Variants in SUMF1 observed in about 807,000 individuals in gnomAD.
The protein encoded by SUMF1 is formylglycine-generating enzyme.
Under a neutral mutation model 47.6 loss-of-function variants are expected in SUMF1, and 48 were observed. That is an observed-to-expected ratio of 1.01 (90% CI 0.80 to 1.28). SUMF1 has a LOEUF of 1.28. Ranked by LOEUF, SUMF1 falls within the 50% of genes most tolerant of loss-of-function variation. SUMF1 has a pLI of 0.00. For missense variants in SUMF1, 571 were observed against 485.4 expected (o/e 1.18, Z -1.66); for synonymous variants, 230 against 192.1 (o/e 1.20, Z -1.63).
chr3:4,367,254 TCAGA>T (rs1284075288), intron 8 of SUMF1, among the ~76,000 whole-genome samples: 3 of 152,196 alleles, frequency 2.0e-5, no homozygotes, highest in African/African-American at 7.2e-5. Flanking sequence ...TTCAAAGCTG[TCAGA>T]CAGGGACATT....
chr3:4,304,277 G>T (rs1189059312), intron 8 of SUMF1, among the ~76,000 whole-genome samples: 1 of 152,188 alleles, frequency 6.6e-6, no homozygotes, highest in Non-Finnish European at 1.5e-5. Context: ...GAGTAGCTGG[G>T]ATTACAGGCA....
chr3:4,156,927 T>C (rs1039560811), intron 8 of SUMF1, among the ~76,000 whole-genome samples: 1 of 151,670 alleles, frequency 6.6e-6, no homozygotes, highest in Non-Finnish European at 1.5e-5. Flanking sequence ...TGTGTCTTCA[T>C]ATGCAAATGT....
intron 8 of SUMF1, chr3:4,313,962 C>T (rs1454971892): frequency 1.0e-6 from 1 of 960,150 alleles, no homozygotes; most frequent in Non-Finnish European, 1.5e-6. Context: ...TACTCACTTT[C>T]CTAGTTAGAT....
intron 8 of SUMF1, among the ~76,000 whole-genome samples, chr3:4,171,452 A>G (rs1027909402): frequency 3.9e-5 from 6 of 152,184 alleles, no homozygotes; most frequent in Non-Finnish European, 7.3e-5. Flanking sequence ...AAAGAAACCC[A>G]AGGGTCATCT....
intron 8 of SUMF1, among the ~76,000 whole-genome samples, chr3:4,157,055 G>C (rs1694469435): frequency 6.6e-6 from 1 of 151,534 alleles, no homozygotes; most frequent in Non-Finnish European, 1.5e-5. Flanking sequence ...AGTGTCTGGA[G>C]ACTAACTTCT....
At chr3:4,405,069 C>G (rs1575181686) in intron 7 of SUMF1, among the ~76,000 whole-genome samples, 3 of 152,128 alleles carry the variant, frequency 2.0e-5, no homozygotes, top group Admixed American at 6.5e-5. Context: ...CACTGAGACA[C>G]AGTGGTGGGA....
intron 3 of SUMF1, among the ~76,000 whole-genome samples, chr3:4,421,842 C>T (rs1444807786): frequency 6.6e-6 from 1 of 152,090 alleles, no homozygotes; most frequent in African/African-American, 2.4e-5. Flanking sequence ...CAAGGTTATC[C>T]CCACAACAAT....
chr3:4,066,762 C>T (rs999601501), intron 9 of SUMF1, among the ~76,000 whole-genome samples: 1 of 152,140 alleles, frequency 6.6e-6, no homozygotes, highest in Non-Finnish European at 1.5e-5. Flanking sequence ...CCTGGCAAAA[C>T]TCATTGTTTC....
chr3:4,452,936 G>C lies in SUMF1; in HGVS notation c.384C>G (p.Ala128=). 4 of 1,614,148 alleles carry C rather than the reference G, an allele frequency of 2.5e-6. No individual in the cohort carries two copies. The highest frequency in any genetic ancestry group is 3.4e-6 in the Non-Finnish European group (4 of 1,180,048). ...CAAATTCAGTATTACTGACTTCATA[G>C]GCATCCATGTAAAAGGCATCAATAG... The part of the protein sequence containing the change: ...RVTIDAFYMD[A]YEVSNTEFEK... The change falls in exon 2 of 9, where the codon GCC becomes GCG. Residue 128 remains alanine, a synonymous_variant. Transcript: ENST00000272902.
chr3:4,210,977 G>A (rs780185018), intron 8 of SUMF1, among the ~76,000 whole-genome samples: 8 of 151,166 alleles, frequency 5.3e-5, no homozygotes, highest in Non-Finnish European at 1.2e-4. Context: ...GAGGCTTCCT[G>A]TCCTCAAACA....
chr3:4,300,309 C>T (rs947505386), intron 8 of SUMF1, among the ~76,000 whole-genome samples: 7 of 152,146 alleles, frequency 4.6e-5, no homozygotes, highest in African/African-American at 1.2e-4. Context: ...GCCCAGGAAC[C>T]GAACAAATGC....
chr3:4,465,204 C>T (rs2079911239), intron 1 of SUMF1, among the ~76,000 whole-genome samples: 2 of 152,168 alleles, frequency 1.3e-5, no homozygotes, highest in South Asian at 2.1e-4. Context: ...TGGCTTGGCG[C>T]GGTGGCTCAC....
At chr3:4,349,186 G>A (rs1699435575) in intron 8 of SUMF1, among the ~76,000 whole-genome samples, 1 of 152,120 alleles carries the variant, frequency 6.6e-6, no homozygotes, top group Non-Finnish European at 1.5e-5. Flanking sequence ...CAAAGAGTGG[G>A]TGAAGGATAT....
intron 7 of SUMF1, among the ~76,000 whole-genome samples, chr3:4,380,892 C>T (rs1486379039): frequency 6.6e-6 from 1 of 152,154 alleles, no homozygotes; most frequent in Non-Finnish European, 1.5e-5. Flanking sequence ...GTTTAAAACA[C>T]CTGGGAGGGC....
chr3:4,113,768 T>C (rs564943490), intron 8 of SUMF1, among the ~76,000 whole-genome samples: 1 of 152,032 alleles, frequency 6.6e-6, no homozygotes, highest in South Asian at 2.1e-4. Flanking sequence ...CACTCCCAGA[T>C]CAGGATCAGG....
intron 8 of SUMF1, among the ~76,000 whole-genome samples, chr3:4,148,194 C>T (rs141818075): frequency 5.3e-5 from 8 of 152,188 alleles, no homozygotes; most frequent in Non-Finnish European, 7.4e-5. Context: ...GCTAATCAGG[C>T]GAAGAAAAGC....
chr3:4,040,505 G>C (rs966470601), intron 9 of SUMF1, among the ~76,000 whole-genome samples: 1 of 152,108 alleles, frequency 6.6e-6, no homozygotes, highest in South Asian at 2.1e-4. Context: ...TATATTTATT[G>C]AACATGCAAT....
intron 7 of SUMF1, among the ~76,000 whole-genome samples, chr3:4,400,191 C>T (rs1701166010): frequency 6.6e-6 from 1 of 152,180 alleles, no homozygotes; most frequent in Non-Finnish European, 1.5e-5. Flanking sequence ...CAGACATGGC[C>T]TGCCAGCTGT....
At chr3:4,271,070 G>C (rs771599226) in intron 8 of SUMF1, among the ~76,000 whole-genome samples, 5 of 152,172 alleles carry the variant, frequency 3.3e-5, no homozygotes, top group Non-Finnish European at 7.3e-5. Context: ...TAAAAACTAA[G>C]TCCTAGAATA....
Sources: allele counts gnomAD v4.1 joint callset (sites outside exome capture counted in the v4.1 genomes callset), GRCh38; gene constraint gnomAD v4.1.1; transcripts MANE v1.5; gene names NCBI Gene and HGNC (gene_info 2026-07-23, HGNC 2026-07-21).